ARHGAP18: variants seen among roughly 807,000 people sequenced by gnomAD.
ARHGAP18 encodes Rho GTPase activating protein 18.
Under a neutral mutation model 86.2 loss-of-function variants are expected in ARHGAP18, and 67 were observed. The ratio of observed to expected loss-of-function variants is 0.78; its 90% CI spans 0.64 to 0.95. The LOEUF (loss-of-function observed/expected upper bound fraction) is 0.95. Ranked by LOEUF, ARHGAP18 falls within the 40% of genes least tolerant of loss-of-function variation. The pLI, the probability that ARHGAP18 is intolerant of heterozygous loss-of-function variation, is 0.00. For missense variants in ARHGAP18, 691 were observed against 780.4 expected (o/e 0.89, Z 1.37); for synonymous variants, 283 against 280.4 (o/e 1.01, Z -0.09).
intron 12 of ARHGAP18, among the ~76,000 whole-genome samples, chr6:129,588,962 G>C (rs1788457207): frequency 6.6e-6 from 1 of 152,202 alleles, no homozygotes; most frequent in Non-Finnish European, 1.5e-5. Context: ...GCCATGGCTG[G>C]AGCTGAAGCA....
intron 1 of ARHGAP18, among the ~76,000 whole-genome samples, chr6:129,658,781 A>C (rs899691532): frequency 1.3e-5 from 2 of 152,240 alleles, no homozygotes; most frequent in African/African-American, 4.8e-5. Flanking sequence ...TAGAGTCTTC[A>C]CTGAAACAAA....
chr6:129,643,112 A>T (rs2114501179), intron 1 of ARHGAP18, among the ~76,000 whole-genome samples: 1 of 152,096 alleles, frequency 6.6e-6, no homozygotes, highest in African/African-American at 2.4e-5. Flanking sequence ...CCTATATATA[A>T]TAAAATAATT....
In ARHGAP18 at chr6:129,680,182, AC is replaced by A. The variant is rs200059337; in HGVS notation, c.113+29841del. ...ACATTCACAACTTCTGTGAATTAGG[AC>A]CTTTTTAAAAATTTTTGGAAGCCAC... On this transcript the variant is annotated intron_variant, in intron 1 of 14. Transcript: ENST00000368149. 9.2e-3 allele frequency among the ~76,000 whole-genome samples: 1,406 copies of A among 152,294 alleles called. 17 individuals are homozygous for A. Among genetic ancestry groups the A allele is most frequent in the Non-Finnish European group, 0.014 (986 of 68,032 alleles).
intron 1 of ARHGAP18, among the ~76,000 whole-genome samples, chr6:129,662,945 A>C (rs1369908043): frequency 6.6e-6 from 1 of 152,234 alleles, no homozygotes; most frequent in Non-Finnish European, 1.5e-5. Flanking sequence ...TATGCTGCCC[A>C]GTTGCTTCAC....
intron 12 of ARHGAP18, among the ~76,000 whole-genome samples, chr6:129,585,136 C>A (rs1247525500): frequency 1.4e-5 from 1 of 73,178 alleles, no homozygotes; most frequent in African/African-American, 5.7e-5. Context: ...ACTAAAAATA[C>A]AAAAATTAGC....
At position 129,688,167 on chromosome 6, in the gene ARHGAP18, C is replaced by A. The variant is rs78560205; in HGVS notation, c.113+21857G>T. 9.0e-3 allele frequency among the ~76,000 whole-genome samples: 1,376 copies of A among 152,272 alleles called. 21 individuals carry two copies. Among genetic ancestry groups the A allele is most frequent in the African/African-American group, 0.032 (1,321 of 41,558 alleles). ...GTCTTTTCTTCTCCTCCCCAAGAGC[C>A]ACGTCAGCATCCTTACATATCAGCT... On this transcript the variant is annotated intron_variant, in intron 1 of 14. Transcript: ENST00000368149.
At position 129,618,889 on chromosome 6, in the gene ARHGAP18, G is replaced by A. The variant is rs748755730; in HGVS notation, c.787-37C>T. 4 of 1,566,568 alleles carry A rather than the reference G, an allele frequency of 2.6e-6. No homozygotes were observed. The African/African-American group carries it at 5.5e-5, about 21-fold the overall frequency. On this transcript the variant is annotated intron_variant, in intron 5 of 14. Transcript: ENST00000368149. The stretch of plus-strand genomic sequence containing the variant: ...ATCATTAATATAGTAAAAGCTTACA[G>A]TACCTAACCTCCATTGTAATGCAGG...
chr6:129,614,413 T>A (rs1423718485), intron 7 of ARHGAP18, among the ~76,000 whole-genome samples: 2 of 152,210 alleles, frequency 1.3e-5, no homozygotes, highest in African/African-American at 4.8e-5. Context: ...ATATGCTCCT[T>A]TATTTTTTAT....
chr6:129,602,377 A>C (rs1268197597), intron 10 of ARHGAP18, among the ~76,000 whole-genome samples: 1 of 152,156 alleles, frequency 6.6e-6, no homozygotes, highest in East Asian at 1.9e-4. Context: ...CTAAATTCTT[A>C]ACTATTAAAA....
At chr6:129,623,283 T>C (rs1186911890) in intron 5 of ARHGAP18, among the ~76,000 whole-genome samples, 1 of 152,180 alleles carries the variant, frequency 6.6e-6, no homozygotes, top group African/African-American at 2.4e-5. Flanking sequence ...CATGTCAAGT[T>C]ACCTCTCTAA....
intron 5 of ARHGAP18, among the ~76,000 whole-genome samples, chr6:129,619,979 A>AGAAG (rs36034504): frequency 0.11 from 16,785 of 152,058 alleles, 1,092 homozygotes; most frequent in Middle Eastern, 0.17. Flanking sequence ...GGCAACAAAA[A>AGAAG]GAAGAGGATG....
At chr6:129,696,167 C>G (rs1774613492) in intron 1 of ARHGAP18, among the ~76,000 whole-genome samples, 1 of 152,026 alleles carries the variant, frequency 6.6e-6, no homozygotes. Context: ...CATGTGATCT[C>G]AAAAAAATAG....
intron 5 of ARHGAP18, 49 bp from the exon 6 acceptor site, chr6:129,618,901 C>T: frequency 1.3e-6 from 2 of 1,514,718 alleles, no homozygotes; most frequent in Non-Finnish European, 1.8e-6. Flanking sequence ...ACCTAACCTC[C>T]ATTGTAATGC....
intron 14 of ARHGAP18, among the ~76,000 whole-genome samples, chr6:129,579,699 T>A (rs1298370307): frequency 2.0e-5 from 3 of 152,234 alleles, no homozygotes; most frequent in Non-Finnish European, 4.4e-5. Context: ...AAATATCTAA[T>A]ACTGTACTAT....
At chr6:129,604,303 A>G (rs117831177) in intron 10 of ARHGAP18, among the ~76,000 whole-genome samples, 1,649 of 152,242 alleles carry the variant, frequency 0.011, 23 homozygotes, top group East Asian at 0.083. Context: ...AGAATTTTTA[A>G]AAGAATATGC....
intron 1 of ARHGAP18, among the ~76,000 whole-genome samples, chr6:129,660,009 G>A (rs1313482038): frequency 1.3e-5 from 2 of 152,124 alleles, no homozygotes; most frequent in East Asian, 1.9e-4. Flanking sequence ...CCGTGAGTGC[G>A]GTGATGTAGA....
At chr6:129,706,214 C>CT (rs1774799659) in intron 1 of ARHGAP18, among the ~76,000 whole-genome samples, 1 of 152,140 alleles carries the variant, frequency 6.6e-6, no homozygotes, top group Non-Finnish European at 1.5e-5. Context: ...ACACAATATT[C>CT]TTCGAAAAAA....
chr6:129,605,103 A>AAAAACTTAAG (rs1788825458), intron 10 of ARHGAP18, among the ~76,000 whole-genome samples: 1 of 152,196 alleles, frequency 6.6e-6, no homozygotes, highest in Non-Finnish European at 1.5e-5. Context: ...AAGGCAAGGG[A>AAAAACTTAAG]AAAACTTAAG....
At chr6:129,651,172 A>C (rs1335236611) in intron 1 of ARHGAP18, among the ~76,000 whole-genome samples, 4 of 128,018 alleles carry the variant, frequency 3.1e-5, no homozygotes, top group African/African-American at 6.7e-5. Context: ...CAAAGAAGTA[A>C]GAGAGGGATG....
Sources: gnomAD v4.1 joint callset for allele counts (sites outside exome capture counted in the v4.1 genomes callset) on GRCh38, gnomAD v4.1.1 for gene constraint, MANE v1.5 for transcripts, NCBI Gene and HGNC (gene_info 2026-07-23, HGNC 2026-07-21) for gene names.